Variants in CDC42BPA observed in about 807,000 individuals in gnomAD.
The protein encoded by CDC42BPA is serine/threonine-protein kinase MRCK alpha.
CDC42BPA carries 80 observed loss-of-function variants against 223.5 expected under a neutral mutation model. The observed-to-expected ratio is 0.36, with a 90% confidence interval of 0.30 to 0.43. The LOEUF (loss-of-function observed/expected upper bound fraction) is 0.43. Among genes scored for constraint, CDC42BPA ranks in the 20% least tolerant of loss-of-function variants. The pLI is 1.00. For synonymous variants in CDC42BPA, 694 were observed against 718.6 expected (o/e 0.97, Z 0.55); for missense variants, 1,743 against 2,099.9 (o/e 0.83, Z 3.32).
At chr1:227,299,348 A>G (rs1691243537) in intron 1 of CDC42BPA, among the ~76,000 whole-genome samples, 1 of 152,194 alleles carries the variant, frequency 6.6e-6, no homozygotes, top group African/African-American at 2.4e-5. Context: ...ACTGTTGCAA[A>G]GGAAATACTT....
intron 2 of CDC42BPA, among the ~76,000 whole-genome samples, chr1:227,243,809 ACAACAGATTTGAATC>A (rs1680426035): frequency 6.6e-6 from 1 of 151,864 alleles, no homozygotes; most frequent in East Asian, 1.9e-4. Context: ...CACATCTCCA[ACAACAGATTTGAATC>A]TAGAATATGA....
intron 13 of CDC42BPA, 93 bp from the exon 14 acceptor site, chr1:227,112,515 A>C: frequency 9.7e-7 from 1 of 1,035,752 alleles, no homozygotes. Context: ...TGTAACAGGA[A>C]GATAATTCAA....
intron 2 of CDC42BPA, among the ~76,000 whole-genome samples, chr1:227,231,777 G>A (rs1383010851): frequency 6.6e-6 from 1 of 152,102 alleles, no homozygotes; most frequent in Admixed American, 6.6e-5. Context: ...CTGCATAAAT[G>A]TCTTCTTTTG....
chr1:227,148,034 T>C (rs1027977011), intron 6 of CDC42BPA, among the ~76,000 whole-genome samples: 1 of 152,098 alleles, frequency 6.6e-6, no homozygotes, highest in African/African-American at 2.4e-5. Context: ...TACACGTCAA[T>C]AATGTACAAC....
At chr1:227,070,885 A>G (rs940757559) in intron 20 of CDC42BPA, among the ~76,000 whole-genome samples, 5 of 151,884 alleles carry the variant, frequency 3.3e-5, no homozygotes, top group Non-Finnish European at 7.4e-5. Flanking sequence ...AAATGATGCA[A>G]TCAATGTCAT....
intron 11 of CDC42BPA, among the ~76,000 whole-genome samples, chr1:227,122,985 A>G (rs1202067457): frequency 6.6e-6 from 1 of 152,194 alleles, no homozygotes; most frequent in Non-Finnish European, 1.5e-5. Context: ...GTTGTTAAAA[A>G]CTAATTATAG....
intron 2 of CDC42BPA, among the ~76,000 whole-genome samples, chr1:227,242,974 T>C (rs952205063): frequency 5.3e-5 from 8 of 152,162 alleles, no homozygotes; most frequent in African/African-American, 9.7e-5. Flanking sequence ...ATATACACCA[T>C]GGAATGCTAT....
intron 21 of CDC42BPA, among the ~76,000 whole-genome samples, chr1:227,067,932 G>C (rs867644921): frequency 9.9e-5 from 15 of 152,136 alleles, no homozygotes; most frequent in Middle Eastern, 3.5e-3. Context: ...TTTAGGACAA[G>C]AATTACTGTG....
At chr1:227,083,270 T>C (rs1023579260) in intron 16 of CDC42BPA, among the ~76,000 whole-genome samples, 2 of 149,292 alleles carry the variant, frequency 1.3e-5, no homozygotes, top group Admixed American at 1.4e-4. Flanking sequence ...GACTACACTT[T>C]AGTCTAAAAA....
chr1:227,054,288 C>G (rs1674129940), intron 21 of CDC42BPA, among the ~76,000 whole-genome samples: 1 of 152,132 alleles, frequency 6.6e-6, no homozygotes, highest in Non-Finnish European at 1.5e-5. Flanking sequence ...TGGGAAAGGC[C>G]AAGTATTTGC....
In CDC42BPA at chr1:227,184,764, GA is replaced by G. The variant is rs903826684; in HGVS notation, c.599+9021del. On this transcript the variant is annotated intron_variant, in intron 5 of 36. Transcript: ENST00000366766. ...GATTTGCCACCTCATGAAAGAACAT[GA>G]AAAAAAAATAAAGAATAAAGACTAA... Among the ~76,000 whole-genome samples, 7 of 150,774 alleles carry G rather than the reference GA, an allele frequency of 4.6e-5. No individual in the cohort carries two copies. The East Asian group carries it at 5.8e-4, about 12-fold the overall frequency.
intron 21 of CDC42BPA, among the ~76,000 whole-genome samples, chr1:227,066,005 G>C (rs777219945): frequency 2.2e-4 from 33 of 152,106 alleles, no homozygotes; most frequent in Non-Finnish European, 3.8e-4. Context: ...CTACTCATTA[G>C]AGCCTTACCG....
chr1:227,165,444 G>A (rs1382485352), intron 5 of CDC42BPA, among the ~76,000 whole-genome samples: 1 of 149,790 alleles, frequency 6.7e-6, no homozygotes, highest in Non-Finnish European at 1.5e-5. Flanking sequence ...ACACATAAAA[G>A]GAAATTTTAA....
intron 6 of CDC42BPA, among the ~76,000 whole-genome samples, chr1:227,157,824 T>C (rs1241299983): frequency 6.6e-6 from 1 of 152,184 alleles, no homozygotes; most frequent in East Asian, 1.9e-4. Context: ...CCTCATCCAG[T>C]GAATTTTAAA....
chr1:227,252,687 AT>A (rs1682231367), intron 2 of CDC42BPA, among the ~76,000 whole-genome samples: 1 of 152,194 alleles, frequency 6.6e-6, no homozygotes, highest in Admixed American at 6.5e-5. Context: ...GGGGTAACAT[AT>A]CACAAGTCAG....
At chr1:227,212,818 C>T (rs990687812) in intron 3 of CDC42BPA, among the ~76,000 whole-genome samples, 8 of 152,132 alleles carry the variant, frequency 5.3e-5, no homozygotes, top group African/African-American at 1.9e-4. Context: ...AAACAAGTTA[C>T]GTCACGTTAG....
At chr1:227,002,232 T>C (rs1338904244) in intron 35 of CDC42BPA, among the ~76,000 whole-genome samples, 2 of 152,266 alleles carry the variant, frequency 1.3e-5, no homozygotes, top group South Asian at 2.1e-4. Context: ...ATTCCTAAAG[T>C]TGTAAAACCT....
chr1:227,065,544 T>C (rs567015103), intron 21 of CDC42BPA, among the ~76,000 whole-genome samples: 2 of 152,264 alleles, frequency 1.3e-5, no homozygotes, highest in South Asian at 2.1e-4. Flanking sequence ...AAGGAAAGCA[T>C]GTTGCTCCGA....
At chr1:227,173,854 C>T (rs761500401) in intron 5 of CDC42BPA, among the ~76,000 whole-genome samples, 23 of 152,038 alleles carry the variant, frequency 1.5e-4, no homozygotes, top group Non-Finnish European at 3.1e-4. Context: ...GTGAGTCTTG[C>T]AAATTATCAA....
Sources: allele counts gnomAD v4.1 joint callset (sites outside exome capture counted in the v4.1 genomes callset), GRCh38; gene constraint gnomAD v4.1.1; transcripts MANE v1.5; gene names NCBI Gene and HGNC (gene_info 2026-07-23, HGNC 2026-07-21).